The following CDK14 variants were observed in gnomAD, a reference collection of about 807,000 sequenced individuals.
CDK14 encodes the protein cyclin-dependent kinase 14.
CDK14 carries 34 observed loss-of-function variants against 60.7 expected under a neutral mutation model. That is an observed-to-expected ratio of 0.56 (90% CI 0.43 to 0.75). The LOEUF (loss-of-function observed/expected upper bound fraction) is 0.75. CDK14 is among the 30% of genes least tolerant of loss of function. The pLI, the probability that CDK14 is intolerant of heterozygous loss-of-function variation, is 0.00. For synonymous variants in CDK14, 197 were observed against 203.7 expected (o/e 0.97, Z 0.28); for missense variants, 482 against 564.1 (o/e 0.85, Z 1.47).
chr7:90,713,285 T>C (rs1802129564), intron 2 of CDK14, among the ~76,000 whole-genome samples: 1 of 152,090 alleles, frequency 6.6e-6, no homozygotes, highest in Non-Finnish European at 1.5e-5. Context: ...TGACAGTTCT[T>C]ACACTGGGTC....
intron 5 of CDK14, among the ~76,000 whole-genome samples, chr7:90,823,784 G>A (rs1041196764): frequency 6.6e-6 from 1 of 152,170 alleles, no homozygotes. Context: ...TGAAGCTGCA[G>A]ATTCAGGCTG....
chr7:91,091,527 G>T (rs1798827408), intron 12 of CDK14, among the ~76,000 whole-genome samples: 1 of 65,970 alleles, frequency 1.5e-5, no homozygotes, highest in African/African-American at 8.4e-5. Flanking sequence ...AAATTAGCCA[G>T]GCATGGTGGC....
intron 10 of CDK14, among the ~76,000 whole-genome samples, chr7:91,020,941 A>G (rs7789771): frequency 0.25 from 37,764 of 151,912 alleles, 4,826 homozygotes; most frequent in South Asian, 0.33. Flanking sequence ...ATCTCTTATG[A>G]CCATAGAACT....
At chr7:91,160,085 A>T (rs964284356) in intron 14 of CDK14, among the ~76,000 whole-genome samples, 10 of 152,226 alleles carry the variant, frequency 6.6e-5, no homozygotes, top group Admixed American at 6.5e-4. Context: ...TAGGAATGTG[A>T]TCCACTCAGA....
intron 2 of CDK14, among the ~76,000 whole-genome samples, chr7:90,617,643 A>G (rs1006575261): frequency 6.6e-6 from 1 of 152,162 alleles, no homozygotes; most frequent in Non-Finnish European, 1.5e-5. Context: ...TCGTTGTGAA[A>G]TCAAGGGAGT....
At chr7:90,811,841 G>A (rs1255712724) in intron 5 of CDK14, among the ~76,000 whole-genome samples, 16 of 152,200 alleles carry the variant, frequency 1.1e-4, no homozygotes, top group Admixed American at 3.9e-4. Flanking sequence ...GAAGACTTTT[G>A]TACAACCAAA....
intron 11 of CDK14, among the ~76,000 whole-genome samples, chr7:91,065,918 A>T (rs1451061991): frequency 6.6e-6 from 1 of 152,208 alleles, no homozygotes; most frequent in Non-Finnish European, 1.5e-5. Flanking sequence ...AACCAGAGTG[A>T]TTTATGACAG....
At chr7:90,710,165 G>T (rs966368909) in intron 2 of CDK14, 4 of 985,324 alleles carry the variant, frequency 4.1e-6, no homozygotes, top group Non-Finnish European at 4.8e-6. Flanking sequence ...TTACTCATGG[G>T]AGAGTCTTTT....
chr7:90,729,373 C>A (rs201322865), intron 3 of CDK14, among the ~76,000 whole-genome samples: 1 of 7,534 alleles, frequency 1.3e-4, no homozygotes, highest in Non-Finnish European at 2.1e-4. Context: ...TTTTTTTTTC[C>A]CCACTCATCC....
chr7:90,910,569 T>G (rs1792861098), intron 7 of CDK14, among the ~76,000 whole-genome samples: 1 of 152,206 alleles, frequency 6.6e-6, no homozygotes, highest in Non-Finnish European at 1.5e-5. Flanking sequence ...TATTCATGTA[T>G]AACTTTCATT....
intron 14 of CDK14, among the ~76,000 whole-genome samples, chr7:91,194,957 G>A (rs1338059335): frequency 6.6e-6 from 1 of 152,106 alleles, no homozygotes; most frequent in Non-Finnish European, 1.5e-5. Flanking sequence ...GTGAGCCTGG[G>A]GTGTGCTGGC....
chr7:90,662,999 C>T (rs973979537), intron 2 of CDK14, among the ~76,000 whole-genome samples: 3 of 151,948 alleles, frequency 2.0e-5, no homozygotes, highest in South Asian at 2.1e-4. Flanking sequence ...GATGTGAAAC[C>T]TAGCTGTAGC....
intron 10 of CDK14, among the ~76,000 whole-genome samples, chr7:91,034,011 G>A (rs1796839888): frequency 6.6e-6 from 1 of 152,300 alleles, no homozygotes; most frequent in East Asian, 1.9e-4. Context: ...TACTTTCACT[G>A]CAGAATTTTC....
chr7:90,613,779 A>C (rs944869794), intron 2 of CDK14, among the ~76,000 whole-genome samples: 2 of 152,188 alleles, frequency 1.3e-5, no homozygotes, highest in African/African-American at 2.4e-5. Context: ...AACAAGTGCA[A>C]AATGGGCTCA....
intron 2 of CDK14, among the ~76,000 whole-genome samples, chr7:90,697,087 T>G (rs1250257927): frequency 6.6e-6 from 1 of 152,052 alleles, no homozygotes; most frequent in Non-Finnish European, 1.5e-5. Flanking sequence ...ACTGAGGAAG[T>G]GGAACCAGTT....
At chr7:90,749,495 C>A (rs373928739) in intron 4 of CDK14, among the ~76,000 whole-genome samples, 85 of 149,386 alleles carry the variant, frequency 5.7e-4, no homozygotes, top group Middle Eastern at 3.7e-3. Context: ...ACTCACTCTT[C>A]CTGTGCAGAG....
intron 11 of CDK14, among the ~76,000 whole-genome samples, chr7:91,058,290 C>T (rs1797653045): frequency 6.6e-6 from 1 of 151,936 alleles, no homozygotes; most frequent in African/African-American, 2.4e-5. Context: ...TGCTTATCAG[C>T]TTAAGGAGAT....
intron 14 of CDK14, among the ~76,000 whole-genome samples, chr7:91,193,344 C>T (rs1802434281): frequency 6.6e-6 from 1 of 152,120 alleles, no homozygotes; most frequent in South Asian, 2.1e-4. Context: ...GGAGCAACTT[C>T]TCTTGGCATT....
At chr7:91,169,856 T>TA (rs1801459617) in intron 14 of CDK14, among the ~76,000 whole-genome samples, 1 of 152,206 alleles carries the variant, frequency 6.6e-6, no homozygotes, top group South Asian at 2.1e-4. Context: ...TAAAGTTGGT[T>TA]AAAAAAACAA....
Sources: gnomAD v4.1 joint callset for allele counts (sites outside exome capture counted in the v4.1 genomes callset) on GRCh38, gnomAD v4.1.1 for gene constraint, MANE v1.5 for transcripts, NCBI Gene and HGNC (gene_info 2026-07-23, HGNC 2026-07-21) for gene names.